MPND: variants seen among roughly 807,000 people sequenced by gnomAD.
MPND encodes the protein MPN domain-containing protein.
MPND carries 56 observed loss-of-function variants against 59.2 expected under a neutral mutation model. The observed-to-expected ratio is 0.95, with a 90% confidence interval of 0.76 to 1.18. The LOEUF is 1.18. MPND is among the 50% of genes most tolerant of loss of function. MPND has a pLI of 0.00. For missense variants in MPND, 671 were observed against 676.0 expected (o/e 0.99, Z 0.08); for synonymous variants, 323 against 291.9 (o/e 1.11, Z -1.09).
rs775511113 is a variant in MPND at position 4,357,403 on chromosome 19, T to G, written c.1147T>G (p.Cys383Gly). 27 of 1,612,546 alleles carry G rather than the reference T, an allele frequency of 1.7e-5. No homozygotes were observed. In the South Asian group the frequency reaches 2.9e-4, roughly 17 times the overall value. ...LQGSSNGFQP[C>G]LALLCSPYYS... ...GGGCTCCAGCAATGGCTTCCAGCCCTGCCTCGCCCTGCTCTGCTGTACGCG... is the reference window on the plus strand; with the variant it reads ...GGGCTCCAGCAATGGCTTCCAGCCCGGCCTCGCCCTGCTCTGCTGTACGCG... Residue 383 changes from cysteine (C) to glycine (G), a missense_variant, in exon 9 of 13, where the codon TGC becomes GGC. Cys to Gly is a radical substitution (Grantham distance 159). Transcript: ENST00000599840.
intron 2 of MPND, among the ~76,000 whole-genome samples, 154 bp downstream of exon 2, chr19:4,344,148 G>A (rs890020256): frequency 6.8e-6 from 1 of 147,982 alleles, no homozygotes; most frequent in Non-Finnish European, 1.5e-5. Flanking sequence ...GTGTGGCGAG[G>A]GGAAACTGAG....
rs1465657961 is a variant in MPND, at chr19:4,355,180, G to T, written c.996+7G>T. 1 of 1,612,420 alleles carries T rather than the reference G, an allele frequency of 6.2e-7. No individual in the cohort carries two copies. The highest frequency in any genetic ancestry group is 2.2e-5 in the East Asian group (1 of 44,878). On this transcript the variant is annotated splice_region_variant and intron_variant, in intron 8 of 12. Coordinates refer to ENST00000599840, the MANE Select transcript of MPND (RefSeq NM_001300862.2). Reference sequence around the variant, plus strand: ...AGCTGCCATCGAAGAGGAGGTGAGGGGCTACCTGGGAGGTGGCATTCTGGG... The same window carrying T: ...AGCTGCCATCGAAGAGGAGGTGAGGTGCTACCTGGGAGGTGGCATTCTGGG...
chr19:4,356,092 TC>T (rs534999022), intron 8 of MPND, among the ~76,000 whole-genome samples: 63 of 151,628 alleles, frequency 4.2e-4, no homozygotes, highest in African/African-American at 1.4e-3. Context: ...GACCTCGTGA[TC>T]CACCCGCGTC....
Position 4,357,548 on chromosome 19 carries a change from C to T in MPND, c.1199C>T (p.Ser400Phe). 1 of 1,613,708 alleles carries T rather than the reference C, an allele frequency of 6.2e-7. No individual in the cohort carries two copies. The highest frequency in any genetic ancestry group is 8.5e-7 in the Non-Finnish European group (1 of 1,179,848). The change falls in exon 10 of 13, where the codon TCC becomes TTC. Residue 400 changes from serine (S) to phenylalanine (F), a missense_variant. Transcript: ENST00000599840. Reference protein sequence around the residue: ...PYYSGNPGPESKISPFWVMPP... With the variant: ...PYYSGNPGPEFKISPFWVMPP... ...TATTCTGGCAACCCAGGCCCCGAGT[C>T]CAAGATCTCACCTTTCTGGGTGATG...
chr19:4,343,643 G>A, intron 1 of MPND, 43 bp downstream of exon 1: 1 of 1,204,712 alleles, frequency 8.3e-7, no homozygotes, highest in Non-Finnish European at 1.0e-6. Context: ...GCGCGGGGCT[G>A]CAGGGGCGCG....
intron 4 of MPND, among the ~76,000 whole-genome samples, chr19:4,353,477 A>T (rs1972366668): frequency 6.6e-6 from 1 of 152,182 alleles, no homozygotes; most frequent in Non-Finnish European, 1.5e-5. Flanking sequence ...AATGTTGTCC[A>T]GGCTGGTCTT....
chr19:4,352,728 A>G lies in MPND; in HGVS notation c.532-169A>G, dbSNP rs1008932209. ...ATAAATTACAAATAAATAAAAAAAAATGTGAGGTCTTAGCTTAAGGCCTTC... is the reference window on the plus strand; with the variant it reads ...ATAAATTACAAATAAATAAAAAAAAGTGTGAGGTCTTAGCTTAAGGCCTTC... On this transcript the variant is annotated intron_variant, in intron 3 of 12. Coordinates refer to ENST00000599840, the MANE Select transcript of MPND (RefSeq NM_001300862.2). Among the ~76,000 whole-genome samples the G allele has an allele frequency of 6.1e-5, 9 of 148,562 alleles. No homozygotes were observed. In the South Asian group the frequency reaches 1.9e-3, roughly 32 times the overall value.
In MPND at chr19:4,353,039, G is replaced by C. The variant is rs777433784; in HGVS notation, c.664+10G>C. The C allele has an allele frequency of 6.8e-6, 9 of 1,330,108 alleles. No homozygotes were observed. The highest frequency in any genetic ancestry group is 8.7e-6 in the Non-Finnish European group (9 of 1,029,896). 82.4% of individuals were successfully genotyped at this position (1,330,108 alleles called of 1,614,324 possible). On this transcript the variant is annotated intron_variant, in intron 4 of 12. Coordinates refer to ENST00000599840, the MANE Select transcript of MPND (RefSeq NM_001300862.2). ...GAGCCTGCCCACCCGGGTGAGAGGC[G>C]TGGGGAGGGGAGGCAGGACAGGGGC... is the stretch of plus-strand genomic sequence containing the variant.
At chr19:4,345,616 G>A (rs1972168594) in intron 2 of MPND, 129 bp from the exon 3 acceptor site, 11 of 807,756 alleles carry the variant, frequency 1.4e-5, no homozygotes, top group Admixed American at 4.8e-5. Flanking sequence ...CCCTGCAGCC[G>A]GCCTGAGAGG....
In MPND at chr19:4,345,875, G is replaced by A; in HGVS notation, c.425G>A (p.Gly142Asp). The A allele has an allele frequency of 6.2e-7, 1 of 1,614,058 alleles. No homozygotes were observed. The highest frequency in any genetic ancestry group is 2.2e-5 in the East Asian group (1 of 44,886). ...KKLVNPAKKS[G>D]CGWASVKYKG... ...CTGGTGAACCCTGCCAAGAAGTCGG[G>A]CTGTGGCTGGGCCTCTGTCAAGTAC... The change falls in exon 3 of 13, where the codon GGC becomes GAC. Residue 142 changes from glycine to aspartate, a missense_variant. Coordinates refer to ENST00000599840, the MANE Select transcript of MPND (RefSeq NM_001300862.2).
chr19:4,355,857 CT>C lies in MPND; in HGVS notation c.996+698del, dbSNP rs56331661. 5.3e-3 allele frequency among the ~76,000 whole-genome samples: 754 copies of C among 142,586 alleles called. 3 individuals carry two copies. Among genetic ancestry groups the C allele is most frequent in the African/African-American group, 0.017 (654 of 38,374 alleles). 93.5% of individuals were successfully genotyped at this position (142,586 alleles called of 152,430 possible). On this transcript the variant is annotated intron_variant, in intron 8 of 12. Coordinates refer to ENST00000599840, the MANE Select transcript of MPND (RefSeq NM_001300862.2). ...ACAGGTGTGAGCCACTGCGCCCGGC[CT>C]TTTTTTTTTTTTTCTTGAGACATTC... is the stretch of plus-strand genomic sequence containing the variant.
chr19:4,356,143 C>T (rs534545049), intron 8 of MPND, among the ~76,000 whole-genome samples: 2 of 152,008 alleles, frequency 1.3e-5, no homozygotes, highest in Non-Finnish European at 2.9e-5. Flanking sequence ...TGAGCCACCG[C>T]GCCCAGCCTA....
rs544724761 is a variant in MPND, at chr19:4,357,406, C to G, written c.1150C>G (p.Leu384Val). The part of the protein sequence containing the change: ...QGSSNGFQPC[L>V]ALLCSPYYSG... ...CTCCAGCAATGGCTTCCAGCCCTGC[C>G]TCGCCCTGCTCTGCTGTACGCGGGA... Residue 384 changes from leucine (L) to valine (V), a missense_variant, in exon 9 of 13, where the codon CTC becomes GTC. Physicochemically the swap from Leu to Val is conservative, Grantham distance 32. Coordinates refer to ENST00000599840, the MANE Select transcript of MPND (RefSeq NM_001300862.2). The G allele has an allele frequency of 2.1e-4, 337 of 1,612,628 alleles. 5 individuals carry two copies. The South Asian group carries it at 2.2e-3, about 11-fold the overall frequency.
intron 2 of MPND, among the ~76,000 whole-genome samples, chr19:4,345,507 G>A (rs759202961): frequency 6.6e-6 from 1 of 152,202 alleles, no homozygotes; most frequent in Non-Finnish European, 1.5e-5. Context: ...CCGATCTTAG[G>A]GGTTTCTTGG....
intron 11 of MPND, among the ~76,000 whole-genome samples, chr19:4,358,820 G>A (rs771533686): frequency 4.6e-5 from 7 of 152,116 alleles, no homozygotes; most frequent in Non-Finnish European, 7.4e-5. Context: ...AAACTAGTTC[G>A]TCAAACCTGT....
rs899806767 is a variant in MPND at position 4,360,053 on chromosome 19, C to T, written c.*51C>T. The T allele has an allele frequency of 3.4e-6, 5 of 1,485,480 alleles. No homozygotes were observed. Among genetic ancestry groups the T allele is most frequent in the Non-Finnish European group, 4.6e-6 (5 of 1,090,772 alleles). 92.0% of individuals were successfully genotyped at this position (1,485,480 alleles called of 1,614,324 possible). A position where few individuals can be genotyped will look rare whatever the true frequency, so the allele number is the denominator to read the frequency against. On this transcript the variant is annotated 3_prime_UTR_variant, in exon 13 of 13. Transcript: ENST00000599840. ...GTTGTCTTGAGGGTCCGGATGGGCT[C>T]AGGTAATAAAGAAACGGAAGCAGCA...
intron 12 of MPND, among the ~76,000 whole-genome samples, chr19:4,359,622 T>C (rs1392399381): frequency 1.3e-5 from 2 of 152,158 alleles, no homozygotes; most frequent in Non-Finnish European, 2.9e-5. Flanking sequence ...CTGTGGAGGC[T>C]GTGGTGTCCC....
intron 2 of MPND, among the ~76,000 whole-genome samples, chr19:4,345,457 C>T (rs1211063710): frequency 6.6e-6 from 1 of 152,190 alleles, no homozygotes; most frequent in African/African-American, 2.4e-5. Flanking sequence ...GTGTTGCATC[C>T]TGGAGACACA....
intron 8 of MPND, among the ~76,000 whole-genome samples, chr19:4,356,141 C>G (rs573554855): frequency 6.6e-6 from 1 of 151,130 alleles, no homozygotes; most frequent in African/African-American, 2.4e-5. Context: ...TGTGAGCCAC[C>G]GCGCCCAGCC....
Sources: gnomAD v4.1 joint callset for allele counts (sites outside exome capture counted in the v4.1 genomes callset) on GRCh38, gnomAD v4.1.1 for gene constraint, MANE v1.5 for transcripts, NCBI Gene and HGNC (gene_info 2026-07-23, HGNC 2026-07-21) for gene names.